The following SKIC3 variants were observed in gnomAD, a reference collection of about 807,000 sequenced individuals.
SKIC3 encodes superkiller complex protein 3.
At chr5:95,525,758 A>C in the SKIC3 span, 1 of 1,257,924 alleles carries the variant, frequency 7.9e-7, no homozygotes. Flanking sequence ...ACGAACACAG[A>C]AAAGCATGGT....
At chr5:95,481,297 C>T in the SKIC3 span, among the ~76,000 whole-genome samples, 454 of 152,058 alleles carry the variant, frequency 3.0e-3, 3 homozygotes, top group Non-Finnish European at 3.6e-3. Context: ...CTCATGATAG[C>T]GAATAAGTCT....
At chr5:95,538,161 TG>T in the SKIC3 span, among the ~76,000 whole-genome samples, 9 of 152,072 alleles carry the variant, frequency 5.9e-5, no homozygotes, top group African/African-American at 2.2e-4. Flanking sequence ...TGGAGGAGGG[TG>T]GGATAGACCA....
the SKIC3 span, among the ~76,000 whole-genome samples, chr5:95,546,736 T>C: frequency 1.3e-5 from 2 of 152,082 alleles, no homozygotes; most frequent in African/African-American, 4.8e-5. Context: ...ACAAACCAAA[T>C]AGAAATAGAA....
the SKIC3 span, chr5:95,503,102 A>C: frequency 7.6e-7 from 1 of 1,312,378 alleles, no homozygotes; most frequent in East Asian, 2.4e-5. Context: ...AAAGGTCTAA[A>C]TACAATTATA....
the SKIC3 span, among the ~76,000 whole-genome samples, chr5:95,487,721 A>G: frequency 8.5e-5 from 13 of 152,354 alleles, no homozygotes; most frequent in South Asian, 2.7e-3. Context: ...CAAAATTGGA[A>G]GTGACTGTTA....
At chr5:95,501,131 A>G in the SKIC3 span, among the ~76,000 whole-genome samples, 1 of 152,158 alleles carries the variant, frequency 6.6e-6, no homozygotes, top group African/African-American at 2.4e-5. Context: ...GCAGATAGTA[A>G]AATATAAATT....
chr5:95,470,845 CA>C, the SKIC3 span, among the ~76,000 whole-genome samples: 1 of 151,780 alleles, frequency 6.6e-6, no homozygotes, highest in Non-Finnish European at 1.5e-5. Context: ...GAAACAGTAA[CA>C]AACTAAAGTG....
the SKIC3 span, chr5:95,494,596 T>C: frequency 1.5e-6 from 2 of 1,319,676 alleles, no homozygotes; most frequent in African/African-American, 1.5e-5. Flanking sequence ...AAAATATATA[T>C]TGTGTGCAAG....
the SKIC3 span, among the ~76,000 whole-genome samples, chr5:95,474,087 T>G: frequency 8.6e-4 from 131 of 152,334 alleles, no homozygotes; most frequent in Middle Eastern, 3.4e-3. Flanking sequence ...TTTGTATATA[T>G]GCTGAAAGGT....
chr5:95,512,450 C>A, the SKIC3 span: 1 of 1,604,310 alleles, frequency 6.2e-7, no homozygotes, highest in South Asian at 1.1e-5. Context: ...GCTCAAATAT[C>A]TTGCTATTAT....
the SKIC3 span, chr5:95,540,738 C>T: frequency 6.2e-6 from 10 of 1,614,124 alleles, no homozygotes; most frequent in Non-Finnish European, 8.5e-6. Context: ...CAGCCAGGAA[C>T]TGAGTCAATT....
chr5:95,503,075 C>G, the SKIC3 span: 2 of 1,589,018 alleles, frequency 1.3e-6, no homozygotes, highest in Non-Finnish European at 1.7e-6. Flanking sequence ...GGGATTTTTC[C>G]TTTCCAAATT....
chr5:95,464,996 T>C, the SKIC3 span, among the ~76,000 whole-genome samples: 34,127 of 146,294 alleles, frequency 0.23, 5,379 homozygotes, highest in African/African-American at 0.44. Context: ...CTGATCTTGG[T>C]GGCTCACTGC....
At chr5:95,480,291 G>A in the SKIC3 span, among the ~76,000 whole-genome samples, 2 of 152,008 alleles carry the variant, frequency 1.3e-5, no homozygotes, top group Non-Finnish European at 2.9e-5. Flanking sequence ...AGCCATAGGT[G>A]TAAGAAAATA....
the SKIC3 span, among the ~76,000 whole-genome samples, chr5:95,470,294 T>C: frequency 6.6e-6 from 1 of 152,148 alleles, no homozygotes; most frequent in Non-Finnish European, 1.5e-5. Flanking sequence ...TCAATTCTTA[T>C]TGAGTACCTA....
the SKIC3 span, chr5:95,494,942 CT>C: frequency 6.2e-7 from 1 of 1,612,728 alleles, no homozygotes; most frequent in African/African-American, 1.3e-5. Flanking sequence ...TCAACATTTC[CT>C]TTGTACTAGG....
At chr5:95,498,446 G>C in the SKIC3 span, 1 of 1,614,110 alleles carries the variant, frequency 6.2e-7, no homozygotes, top group Non-Finnish European at 8.5e-7. Context: ...GATGTAAGAA[G>C]GCACCTCTGA....
the SKIC3 span, among the ~76,000 whole-genome samples, chr5:95,473,374 C>T: frequency 5.3e-5 from 8 of 152,224 alleles, no homozygotes; most frequent in East Asian, 7.7e-4. Context: ...CCCAACCTCC[C>T]GAGCTCAGGT....
chr5:95,509,012 G>A, the SKIC3 span, among the ~76,000 whole-genome samples: 70 of 151,746 alleles, frequency 4.6e-4, 2 homozygotes, highest in Middle Eastern at 3.4e-3. Flanking sequence ...CTTTTCTATC[G>A]ATTTCTCTCT....
Sources: gnomAD v4.1 joint callset for allele counts (sites outside exome capture counted in the v4.1 genomes callset) on GRCh38, gnomAD v4.1.1 for gene constraint, MANE v1.5 for transcripts, NCBI Gene and HGNC (gene_info 2026-07-23, HGNC 2026-07-21) for gene names.